The following TMEM26 variants were observed in gnomAD, a reference collection of about 807,000 sequenced individuals.
TMEM26 encodes the protein transmembrane protein 26.
A neutral mutation model predicts 28.8 loss-of-function variants in TMEM26; 38 were observed. The ratio of observed to expected loss-of-function variants is 1.32; its 90% CI spans 1.02 to 1.73. The LOEUF is 1.73. Ranked by LOEUF, TMEM26 falls within the 40% of genes most tolerant of loss-of-function variation. The probability of loss-of-function intolerance (pLI) is 0.00; values close to 1 mark genes in which losing one functional copy is unlikely to be tolerated. For missense variants in TMEM26, 518 were observed against 447.1 expected (o/e 1.16, Z -1.43); for synonymous variants, 227 against 182.9 (o/e 1.24, Z -1.95).
At position 61,410,725 on chromosome 10, in the gene TMEM26, A is replaced by T; in HGVS notation, c.704T>A (p.Val235Glu). Reference sequence around the variant, plus strand: ...GGGGAATCCCCTCTCTGTCACAGACACAGGGCACACAACGTTCTGTACTGA... The same window carrying T: ...GGGGAATCCCCTCTCTGTCACAGACTCAGGGCACACAACGTTCTGTACTGA... ...DLAVQNVVCPVSVTERGFPSL... is the reference protein window; with the variant it reads ...DLAVQNVVCPESVTERGFPSL... The change falls in exon 6 of 6, where the codon GTG becomes GAG. Residue 235 changes from valine to glutamate, a missense_variant. Transcript: ENST00000399298. 3.1e-6 allele frequency: 5 copies of T among 1,614,096 alleles called. No homozygotes were observed. The highest frequency in any genetic ancestry group is 4.2e-6 in the Non-Finnish European group (5 of 1,180,012).
At chr10:61,447,725 C>T (rs528062950) in intron 1 of TMEM26, among the ~76,000 whole-genome samples, 11 of 152,244 alleles carry the variant, frequency 7.2e-5, no homozygotes, top group East Asian at 5.8e-4. Flanking sequence ...AGGCTCATGA[C>T]GATTGCCCCT....
Position 61,450,150 on chromosome 10 carries a change from G to C in TMEM26, c.191+2741C>G, listed in dbSNP as rs142625390. The stretch of plus-strand genomic sequence containing the variant: ...TGGGTACCTTTAGTTCTACAGGGTT[G>C]ATTCCAAAATATAAGACTATAAGAG... On this transcript the variant is annotated intron_variant, in intron 1 of 5. Coordinates refer to ENST00000399298, the MANE Select transcript of TMEM26 (RefSeq NM_178505.8). Among the ~76,000 whole-genome samples the C allele has an allele frequency of 4.5e-3, 685 of 152,110 alleles. 8 individuals are homozygous for C. Among genetic ancestry groups the C allele is most frequent in the African/African-American group, 0.016 (649 of 41,490 alleles).
chr10:61,433,714 T>C (rs181473879), intron 2 of TMEM26, among the ~76,000 whole-genome samples: 197 of 152,208 alleles, frequency 1.3e-3, no homozygotes, highest in African/African-American at 4.5e-3. Flanking sequence ...ATATAGTATA[T>C]AGAGCAAACG....
intron 4 of TMEM26, chr10:61,413,802 C>T: frequency 9.3e-7 from 1 of 1,079,222 alleles, no homozygotes. Context: ...TTTAGTTTTA[C>T]AAAATTATGG....
At chr10:61,426,212 A>G (rs1564476329) in intron 4 of TMEM26, among the ~76,000 whole-genome samples, 1 of 152,150 alleles carries the variant, frequency 6.6e-6, no homozygotes, top group Non-Finnish European at 1.5e-5. Context: ...ATTCCATGAA[A>G]TTTCTAGGAA....
intron 1 of TMEM26, among the ~76,000 whole-genome samples, chr10:61,445,494 G>A (rs1242568546): frequency 6.6e-6 from 1 of 152,042 alleles, no homozygotes; most frequent in African/African-American, 2.4e-5. Context: ...AGGTCAGTCA[G>A]ACAAAACAAA....
chr10:61,412,208 A>G (rs928983232), intron 5 of TMEM26, among the ~76,000 whole-genome samples: 1 of 152,086 alleles, frequency 6.6e-6, no homozygotes, highest in African/African-American at 2.4e-5. Context: ...AGCTTGACCA[A>G]TGAGTATAGC....
Position 61,453,071 on chromosome 10 carries a change from A to G in TMEM26, c.11T>C (p.Leu4Pro). The change falls in exon 1 of 6, where the codon CTG (leucine) becomes CCG (proline). Residue 4 changes from leucine to proline, a missense_variant. Coordinates refer to ENST00000399298, the MANE Select transcript of TMEM26 (RefSeq NM_178505.8). ...AGTGGCCAGGGCGTTAAGGAAGACC[A>G]GTCCCTCCATGCTGGCCGGAGCACT... MEG[L>P]VFLNALATRL... The G allele has an allele frequency of 5.0e-6, 8 of 1,613,030 alleles. No homozygotes were observed. The highest frequency in any genetic ancestry group is 6.8e-6 in the Non-Finnish European group (8 of 1,179,810).
At chr10:61,448,348 C>T (rs1840220489) in intron 1 of TMEM26, among the ~76,000 whole-genome samples, 1 of 152,218 alleles carries the variant, frequency 6.6e-6, no homozygotes, top group Non-Finnish European at 1.5e-5. Context: ...CTTCACTCTT[C>T]TCTCTCAACT....
At chr10:61,435,383 G>A (rs7084759) in intron 2 of TMEM26, among the ~76,000 whole-genome samples, 14,882 of 152,078 alleles carry the variant, frequency 0.098, 1,553 homozygotes, top group African/African-American at 0.26. Context: ...GTTTCACCAC[G>A]TTGGCCAGGA....
At chr10:61,442,992 C>T (rs1480831444) in intron 1 of TMEM26, among the ~76,000 whole-genome samples, 1 of 152,170 alleles carries the variant, frequency 6.6e-6, no homozygotes, top group African/African-American at 2.4e-5. Context: ...ATCCCAGCCA[C>T]CACCCATTAA....
chr10:61,452,117 TG>T (rs1403442615), intron 1 of TMEM26, among the ~76,000 whole-genome samples: 1 of 152,188 alleles, frequency 6.6e-6, no homozygotes, highest in Admixed American at 6.5e-5. Context: ...TCTTCGTCAA[TG>T]GCAAGAGAAT....
intron 5 of TMEM26, among the ~76,000 whole-genome samples, chr10:61,413,224 A>G (rs886593611): frequency 3.3e-5 from 5 of 152,066 alleles, no homozygotes; most frequent in African/African-American, 1.2e-4. Flanking sequence ...TGCTATTTGA[A>G]GTAAATATAA....
intron 4 of TMEM26, among the ~76,000 whole-genome samples, chr10:61,424,227 A>T (rs1197710659): frequency 6.6e-6 from 1 of 152,328 alleles, no homozygotes; most frequent in African/African-American, 2.4e-5. Context: ...GTGATAGTAG[A>T]TCATCATACA....
chr10:61,429,300 A>C (rs1839884162), intron 3 of TMEM26, among the ~76,000 whole-genome samples, 154 bp from the exon 4 acceptor site: 1 of 152,118 alleles, frequency 6.6e-6, no homozygotes, highest in Non-Finnish European at 1.5e-5. Flanking sequence ...AATGCCTTTC[A>C]GCTGAACACT....
At chr10:61,449,421 C>T (rs1840239083) in intron 1 of TMEM26, among the ~76,000 whole-genome samples, 1 of 152,216 alleles carries the variant, frequency 6.6e-6, no homozygotes, top group Non-Finnish European at 1.5e-5. Flanking sequence ...GACAGCTGAG[C>T]TCAGCAATTC....
intron 4 of TMEM26, among the ~76,000 whole-genome samples, chr10:61,426,314 A>T (rs1176443681): frequency 1.3e-5 from 2 of 152,138 alleles, no homozygotes; most frequent in Non-Finnish European, 2.9e-5. Context: ...TTTTGGAGTG[A>T]TGGGAATGTT....
rs1181637808 is a variant in TMEM26 at position 61,407,739 on chromosome 10, A to G, written c.*2583T>C. The G allele has an allele frequency of 3.3e-5, 5 of 152,130 alleles. No individual in the cohort carries two copies. Among genetic ancestry groups the G allele is most frequent in the Admixed American group, 3.3e-4 (5 of 15,264 alleles). The allele number at this position is 152,130 out of a possible 1,614,324, so 9.4% of individuals were successfully genotyped here. On this transcript the variant is annotated 3_prime_UTR_variant, in exon 6 of 6. Transcript: ENST00000399298. ...CCAACAGCACCAACAACCTCAAATA[A>G]GCCACTTTCTTCAGGGGTTGGGGAG...
chr10:61,449,702 T>C (rs1217352264), intron 1 of TMEM26, among the ~76,000 whole-genome samples: 3 of 152,212 alleles, frequency 2.0e-5, no homozygotes, highest in African/African-American at 7.2e-5. Context: ...GTATATATTT[T>C]AGTCCATCAT....
Sources: allele counts gnomAD v4.1 joint callset (sites outside exome capture counted in the v4.1 genomes callset), GRCh38; gene constraint gnomAD v4.1.1; transcripts MANE v1.5; gene names NCBI Gene and HGNC (gene_info 2026-07-23, HGNC 2026-07-21).